PLPP3: variants seen among roughly 807,000 people sequenced by gnomAD.
The protein encoded by PLPP3 is phospholipid phosphatase 3, also known as PAP2 beta.
A neutral mutation model predicts 29.6 loss-of-function variants in PLPP3; 6 were observed. That is an observed-to-expected ratio of 0.20 (90% CI 0.11 to 0.40). PLPP3 has a LOEUF of 0.40. Among genes scored for constraint, PLPP3 ranks in the 10% least tolerant of loss-of-function variants. PLPP3 has a pLI of 1.00. For synonymous variants in PLPP3, 152 were observed against 159.7 expected (o/e 0.95, Z 0.36); for missense variants, 308 against 407.7 (o/e 0.76, Z 2.11).
At position 56,496,440 on chromosome 1, in the gene PLPP3, C is replaced by A. The variant is rs1645631557; in HGVS notation, c.*111G>T. The A allele has an allele frequency of 7.5e-7, 1 of 1,328,098 alleles. No homozygotes were observed. The highest frequency in any genetic ancestry group is 1.0e-6 in the Non-Finnish European group (1 of 971,762). The allele number at this position is 1,328,098 out of a possible 1,614,324, so 82.3% of individuals were successfully genotyped here. A position where few individuals can be genotyped will look rare whatever the true frequency, so the allele number is the denominator to read the frequency against. On this transcript the variant is annotated 3_prime_UTR_variant, in exon 6 of 6. Transcript: ENST00000371250. ...CATTTTTTTTTTCCTTTTTAAAAAT[C>A]AGTCGGGCAAAAGTTTTTCCCTACA...
rs1055108326 is a variant in PLPP3, at chr1:56,579,336, G to A, written c.-320C>T. On this transcript the variant is annotated 5_prime_UTR_variant, in exon 1 of 6. It adds an upstream start codon to the 5' untranslated region. Coordinates refer to ENST00000371250, the MANE Select transcript of PLPP3 (RefSeq NM_003713.5). ...CTTGGGGCGCGCTGTTGTGGCGCGCGTCTGAGTGCGCGAGCGAGCGAGTGG... is the reference window on the plus strand; with the variant it reads ...CTTGGGGCGCGCTGTTGTGGCGCGCATCTGAGTGCGCGAGCGAGCGAGTGG... 24 of 313,744 alleles carry A rather than the reference G, an allele frequency of 7.6e-5. 1 individual carries two copies. The highest frequency in any genetic ancestry group is 2.0e-3 in the Middle Eastern group (2 of 1,020). The allele number at this position is 313,744 out of a possible 1,614,324, so 19.4% of individuals were successfully genotyped here.
At chr1:56,553,912 G>C (rs1339789354) in intron 1 of PLPP3, among the ~76,000 whole-genome samples, 1 of 152,158 alleles carries the variant, frequency 6.6e-6, no homozygotes, top group Non-Finnish European at 1.5e-5. Flanking sequence ...AAAATGCTCA[G>C]TAAATGTTAC....
chr1:56,521,721 C>A (rs527956215), intron 4 of PLPP3, among the ~76,000 whole-genome samples: 22 of 110,454 alleles, frequency 2.0e-4, no homozygotes, highest in African/African-American at 6.4e-4. Context: ...TCCTCCCTCC[C>A]TCTCTCTTCC....
chr1:56,558,706 C>T (rs536855717), intron 1 of PLPP3, among the ~76,000 whole-genome samples: 2 of 152,266 alleles, frequency 1.3e-5, no homozygotes, highest in South Asian at 4.1e-4. Flanking sequence ...ACACTTGATC[C>T]AGGTTATAAG....
At chr1:56,578,715 G>T (rs1569623578) in intron 1 of PLPP3, among the ~76,000 whole-genome samples, 163 bp downstream of exon 1, 1 of 152,184 alleles carries the variant, frequency 6.6e-6, no homozygotes, top group African/African-American at 2.4e-5. Context: ...GGAGGGCGGG[G>T]GCTTCGGGCC....
intron 5 of PLPP3, among the ~76,000 whole-genome samples, chr1:56,498,298 C>CA (rs1645642525): frequency 6.6e-6 from 1 of 152,184 alleles, no homozygotes; most frequent in African/African-American, 2.4e-5. Flanking sequence ...CACAACCTGC[C>CA]AGTAGGCTCT....
chr1:56,507,777 T>C (rs1457395403), intron 5 of PLPP3, among the ~76,000 whole-genome samples: 1 of 152,132 alleles, frequency 6.6e-6, no homozygotes, highest in African/African-American at 2.4e-5. Context: ...CCAGCATCTG[T>C]AAAAGAGGGA....
intron 1 of PLPP3, among the ~76,000 whole-genome samples, chr1:56,555,433 T>TAAAAAAAAA (rs66593221): frequency 0.02 from 662 of 33,040 alleles, 6 homozygotes; most frequent in Middle Eastern, 0.031. Context: ...GGCCAAACAC[T>TAAAAAAAAA]AAAAAAAAAA....
chr1:56,555,899 G>C (rs1646073453), intron 1 of PLPP3, among the ~76,000 whole-genome samples: 1 of 152,152 alleles, frequency 6.6e-6, no homozygotes, highest in South Asian at 2.1e-4. Flanking sequence ...GCCAAACTTA[G>C]TTAAATTTAG....
intron 1 of PLPP3, among the ~76,000 whole-genome samples, chr1:56,549,915 G>A (rs1434244408): frequency 6.6e-6 from 1 of 152,176 alleles, no homozygotes; most frequent in Non-Finnish European, 1.5e-5. Flanking sequence ...CACTTTCCTG[G>A]TCACTTTATT....
intron 5 of PLPP3, among the ~76,000 whole-genome samples, chr1:56,497,073 A>G (rs1462374411): frequency 6.6e-6 from 1 of 152,228 alleles, no homozygotes; most frequent in African/African-American, 2.4e-5. Flanking sequence ...TTTCCTCACA[A>G]AGGAATCCAG....
chr1:56,496,469 T>G lies in PLPP3; in HGVS notation c.*82A>C. On this transcript the variant is annotated 3_prime_UTR_variant, in exon 6 of 6. Transcript: ENST00000371250. Reference sequence around the variant, plus strand: ...CGGGCAAAAGTTTTTCCCTACATTCTACTGTCTGATGAGATTGGAGAGCAG... The same window carrying G: ...CGGGCAAAAGTTTTTCCCTACATTCGACTGTCTGATGAGATTGGAGAGCAG... The G allele has an allele frequency of 6.7e-7, 1 of 1,494,298 alleles. No homozygotes were observed. Among genetic ancestry groups the G allele is most frequent in the Admixed American group, 2.0e-5 (1 of 49,886 alleles). The allele number at this position is 1,494,298 out of a possible 1,614,324, so 92.6% of individuals were successfully genotyped here.
chr1:56,538,022 C>T (rs1049397452), intron 1 of PLPP3, among the ~76,000 whole-genome samples: 1 of 152,186 alleles, frequency 6.6e-6, no homozygotes, highest in African/African-American at 2.4e-5. Flanking sequence ...ACAAGAGCCT[C>T]CTAATCAGGC....
chr1:56,520,728 T>C (rs1645812924), intron 4 of PLPP3, among the ~76,000 whole-genome samples: 2 of 151,258 alleles, frequency 1.3e-5, no homozygotes, highest in Non-Finnish European at 2.9e-5. Flanking sequence ...CTGGCCAACA[T>C]GGTGAAACCC....
At chr1:56,513,207 C>T (rs1369262986) in intron 4 of PLPP3, 1 of 152,228 alleles carries the variant, frequency 6.6e-6, no homozygotes, top group African/African-American at 2.4e-5. Context: ...AAAAAAAAAA[C>T]CACCTCTAGC....
At chr1:56,513,594 G>T (rs1645760634) in intron 4 of PLPP3, 1 of 152,210 alleles carries the variant, frequency 6.6e-6, no homozygotes, top group African/African-American at 2.4e-5. Context: ...TTAGCCATAA[G>T]TGTCTAGGAC....
At chr1:56,530,362 A>G (rs1448037401) in intron 2 of PLPP3, among the ~76,000 whole-genome samples, 1 of 152,144 alleles carries the variant, frequency 6.6e-6, no homozygotes, top group Non-Finnish European at 1.5e-5. Context: ...CTCTAGCTTC[A>G]GCCTACCCCT....
chr1:56,555,403 C>CACTTA (rs1332671738), intron 1 of PLPP3, among the ~76,000 whole-genome samples: 3 of 118,970 alleles, frequency 2.5e-5, no homozygotes, highest in African/African-American at 3.3e-5. Context: ...TTGCCATAAT[C>CACTTA]ACTTATGCAG....
In PLPP3 at chr1:56,527,968, C is replaced by G. The variant is rs948532331; in HGVS notation, c.298-3414G>C. On this transcript the variant is annotated intron_variant, in intron 2 of 5. Coordinates refer to ENST00000371250, the MANE Select transcript of PLPP3 (RefSeq NM_003713.5). ...GTAAGAAAATAAGCTCTTCCCTCCC[C>G]CTCCTCCTACAAAGACTCTGTCCCC... Among the ~76,000 whole-genome samples, 15 of 152,118 alleles carry G rather than the reference C, an allele frequency of 9.9e-5. No homozygotes were observed. In the East Asian group the frequency reaches 1.4e-3, roughly 14 times the overall value.
Sources: gnomAD v4.1 joint callset for allele counts (sites outside exome capture counted in the v4.1 genomes callset) on GRCh38, gnomAD v4.1.1 for gene constraint, MANE v1.5 for transcripts, NCBI Gene and HGNC (gene_info 2026-07-23, HGNC 2026-07-21) for gene names.